The following RABGEF1 variants were observed in gnomAD, a reference collection of about 807,000 sequenced individuals.
RABGEF1 encodes rab5 GDP/GTP exchange factor.
A neutral mutation model predicts 57.3 loss-of-function variants in RABGEF1; 26 were observed. The ratio of observed to expected loss-of-function variants is 0.45; its 90% CI spans 0.33 to 0.63. The LOEUF is 0.63. Among genes scored for constraint, RABGEF1 ranks in the 20% least tolerant of loss-of-function variants. The pLI, the probability that RABGEF1 is intolerant of heterozygous loss-of-function variation, is 0.02. For missense variants in RABGEF1, 464 were observed against 607.6 expected (o/e 0.76, Z 2.48); for synonymous variants, 185 against 210.7 (o/e 0.88, Z 1.06).
chr7:66,667,893 G>T, the RABGEF1 span, among the ~76,000 whole-genome samples: 1 of 151,934 alleles, frequency 6.6e-6, no homozygotes. Flanking sequence ...TACCTCCCGG[G>T]TTCAAGTGAT....
chr7:66,765,252 C>T (rs565523989), intron 1 of RABGEF1, among the ~76,000 whole-genome samples: 14 of 151,832 alleles, frequency 9.2e-5, no homozygotes, highest in African/African-American at 3.4e-4. Context: ...CGTGGCAGAG[C>T]TGGGGTTGGA....
At chr7:66,756,042 CTT>C (rs1802631300) in intron 1 of RABGEF1, 1 of 1,498,500 alleles carries the variant, frequency 6.7e-7, no homozygotes. Context: ...GCTAATAAGT[CTT>C]TTATTAGAAT....
the RABGEF1 span, among the ~76,000 whole-genome samples, chr7:66,658,766 C>G: frequency 6.6e-6 from 1 of 152,192 alleles, no homozygotes; most frequent in East Asian, 1.9e-4. Flanking sequence ...GACAGAGTCT[C>G]GCTCTGTCGC....
chr7:66,686,600 T>A (rs1790674082), intron 1 of RABGEF1, among the ~76,000 whole-genome samples: 1 of 152,214 alleles, frequency 6.6e-6, no homozygotes, highest in Admixed American at 6.5e-5. Flanking sequence ...TAATCTAGAC[T>A]GTTGTTATAA....
At chr7:66,781,339 A>G (rs944836380) in intron 3 of RABGEF1, among the ~76,000 whole-genome samples, 1 of 152,150 alleles carries the variant, frequency 6.6e-6, no homozygotes, top group Non-Finnish European at 1.5e-5. Flanking sequence ...CTTAGACGGG[A>G]ATTTTTAAAT....
chr7:66,731,670 T>C (rs1797333379), intron 2 of RABGEF1, among the ~76,000 whole-genome samples: 1 of 152,150 alleles, frequency 6.6e-6, no homozygotes, highest in South Asian at 2.1e-4. Context: ...TGAGCTATGA[T>C]TGTGCCACTG....
intron 3 of RABGEF1, among the ~76,000 whole-genome samples, chr7:66,780,142 CTG>C (rs1016835273): frequency 3.9e-5 from 6 of 152,100 alleles, no homozygotes; most frequent in Admixed American, 2.6e-4. Flanking sequence ...TAGGATTTTC[CTG>C]TGTTTTGACT....
intron 5 of RABGEF1, 148 bp from the exon 6 acceptor site, chr7:66,797,226 C>A: frequency 2.8e-6 from 2 of 723,436 alleles, no homozygotes; most frequent in South Asian, 2.0e-5. Context: ...ATGGCTCGAG[C>A]CCAGGAGGTG....
intron 2 of RABGEF1, among the ~76,000 whole-genome samples, chr7:66,734,271 G>A (rs967800579): frequency 1.6e-4 from 24 of 152,158 alleles, no homozygotes; most frequent in African/African-American, 4.8e-4. Context: ...GAGGCAACCC[G>A]GCTCCTGCCC....
chr7:66,698,815 C>G (rs1376206249), intron 1 of RABGEF1, among the ~76,000 whole-genome samples: 2 of 152,222 alleles, frequency 1.3e-5, no homozygotes, highest in Non-Finnish European at 2.9e-5. Flanking sequence ...AGTTTCACTC[C>G]TGACTCCACC....
upstream of RABGEF1, among the ~76,000 whole-genome samples, chr7:66,680,742 TACTAG>T (rs1394563686): frequency 6.6e-6 from 1 of 151,902 alleles, no homozygotes; most frequent in Non-Finnish European, 1.5e-5. Context: ...AGGTCAGGAG[TACTAG>T]ACTAGACTGG....
chr7:66,753,921 G>C, intron 1 of RABGEF1, among the ~76,000 whole-genome samples: 1 of 144,450 alleles, frequency 6.9e-6, no homozygotes, highest in South Asian at 2.2e-4. Flanking sequence ...TGGCCAGGCT[G>C]TTCTTGAACT....
At chr7:66,662,790 T>C in the RABGEF1 span, among the ~76,000 whole-genome samples, 1 of 150,842 alleles carries the variant, frequency 6.6e-6, no homozygotes, top group Non-Finnish European at 1.5e-5. Flanking sequence ...TGCACGCATG[T>C]GTGTGCAGGT....
chr7:66,763,342 A>T (rs1291033872), intron 1 of RABGEF1, among the ~76,000 whole-genome samples: 1 of 152,206 alleles, frequency 6.6e-6, no homozygotes, highest in Non-Finnish European at 1.5e-5. Flanking sequence ...ATTCATTTTC[A>T]TGTGGTGAAG....
intron 1 of RABGEF1, among the ~76,000 whole-genome samples, chr7:66,741,930 C>G (rs1228395443): frequency 6.6e-6 from 1 of 151,756 alleles, no homozygotes. Context: ...ACGTCAGGAG[C>G]TTGAGACCAT....
chr7:66,788,348 G>C (rs1029208607), intron 4 of RABGEF1, among the ~76,000 whole-genome samples: 12 of 152,026 alleles, frequency 7.9e-5, no homozygotes, highest in Non-Finnish European at 1.5e-4. Context: ...GGGAGGCTGA[G>C]GGAGAAGAAT....
chr7:66,656,735 G>T, the RABGEF1 span, among the ~76,000 whole-genome samples: 1 of 148,894 alleles, frequency 6.7e-6, no homozygotes, highest in Non-Finnish European at 1.5e-5. Context: ...CAGGAGAATT[G>T]CTTGAACCCG....
At chr7:66,685,500 AG>A (rs1278712148) in intron 1 of RABGEF1, among the ~76,000 whole-genome samples, 1 of 152,142 alleles carries the variant, frequency 6.6e-6, no homozygotes, top group Non-Finnish European at 1.5e-5. Flanking sequence ...ACAAAAAAAA[AG>A]AAAAGATTCT....
At chr7:66,670,506 A>G in the RABGEF1 span, among the ~76,000 whole-genome samples, 19 of 145,530 alleles carry the variant, frequency 1.3e-4, no homozygotes, top group Non-Finnish European at 2.5e-4. Context: ...TCCAAATAAC[A>G]CACACTGGCT....
Sources: allele counts gnomAD v4.1 joint callset (sites outside exome capture counted in the v4.1 genomes callset), GRCh38; gene constraint gnomAD v4.1.1; transcripts MANE v1.5; gene names NCBI Gene and HGNC (gene_info 2026-07-23, HGNC 2026-07-21).